CDYL2: variants seen among roughly 807,000 people sequenced by gnomAD.
CDYL2 encodes chromodomain Y like 2, also known as chromodomain Y-like protein 2.
In CDYL2, 23 loss-of-function variants were observed where a neutral mutation model predicts 49.4. That is an observed-to-expected ratio of 0.47 (90% CI 0.34 to 0.66). CDYL2 has a LOEUF of 0.66. Among genes scored for constraint, CDYL2 ranks in the 30% least tolerant of loss-of-function variants. The pLI is 0.01. For missense variants in CDYL2, 678 were observed against 656.4 expected, an observed-to-expected ratio of 1.03 and a Z score of -0.36; for synonymous variants, 360 against 268.8, an observed-to-expected ratio of 1.34 and a Z score of -3.32.
chr16:80,679,065 G>C (rs1158363122), intron 2 of CDYL2, among the ~76,000 whole-genome samples: 2 of 135,974 alleles, frequency 1.5e-5, no homozygotes, highest in Non-Finnish European at 3.0e-5. Context: ...TGAACAATGA[G>C]AACACATGGA....
Position 80,637,016 on chromosome 16 carries a change from AT to A in CDYL2, c.617-3781del, listed in dbSNP as rs1322222901. ...AGAGTTGAACAATGAGAACACATGG[AT>A]ACAGGGAGAGGAACATCACACACCG... On this transcript the variant is annotated intron_variant, in intron 2 of 6. Transcript: ENST00000570137. Among the ~76,000 whole-genome samples the A allele has an allele frequency of 3.4e-4, 52 of 152,260 alleles. No individual in the cohort carries two copies. The South Asian group carries it at 6.0e-3, about 18-fold the overall frequency.
At chr16:80,762,690 T>C (rs955252738) in intron 1 of CDYL2, among the ~76,000 whole-genome samples, 2 of 152,198 alleles carry the variant, frequency 1.3e-5, no homozygotes, top group African/African-American at 2.4e-5. Flanking sequence ...GTCCAGTCTT[T>C]TGGGCACAAG....
chr16:80,605,659 CAAT>C (rs1311555772), intron 6 of CDYL2, among the ~76,000 whole-genome samples: 11 of 151,360 alleles, frequency 7.3e-5, no homozygotes, highest in Non-Finnish European at 1.6e-4. Flanking sequence ...ATCACAGTAA[CAAT>C]AGTAATAATC....
intron 1 of CDYL2, among the ~76,000 whole-genome samples, chr16:80,751,228 T>C (rs1273292573): frequency 1.3e-5 from 2 of 152,126 alleles, no homozygotes; most frequent in Non-Finnish European, 2.9e-5. Context: ...AGGAAACCAA[T>C]GTCCCTGCCA....
At chr16:80,742,166 T>C (rs1235469368) in intron 1 of CDYL2, 1 of 152,222 alleles carries the variant, frequency 6.6e-6, no homozygotes, top group East Asian at 1.9e-4. Context: ...GGGGTCAGAA[T>C]GCAAACCCAG....
chr16:80,638,762 G>T (rs1337028992), intron 2 of CDYL2, among the ~76,000 whole-genome samples: 1 of 151,908 alleles, frequency 6.6e-6, no homozygotes, highest in African/African-American at 2.4e-5. Context: ...GGAACAAATG[G>T]ATATCCATTT....
At chr16:80,738,044 T>G (rs1213602047) in intron 1 of CDYL2, among the ~76,000 whole-genome samples, 1 of 135,008 alleles carries the variant, frequency 7.4e-6, no homozygotes, top group African/African-American at 2.8e-5. Flanking sequence ...ACAGGCCCCA[T>G]GTGTGATGTT....
At chr16:80,778,927 A>T (rs1361771699) in intron 1 of CDYL2, among the ~76,000 whole-genome samples, 1 of 152,122 alleles carries the variant, frequency 6.6e-6, no homozygotes, top group Non-Finnish European at 1.5e-5. Context: ...AAAGATCAAC[A>T]ATCACAGAGA....
intron 1 of CDYL2, among the ~76,000 whole-genome samples, chr16:80,687,854 A>G (rs1408176338): frequency 6.6e-6 from 1 of 152,188 alleles, no homozygotes; most frequent in East Asian, 1.9e-4. Flanking sequence ...ATACACAACT[A>G]TGTACGTTTG....
intron 4 of CDYL2, among the ~76,000 whole-genome samples, chr16:80,616,815 C>T (rs58949721): frequency 0.078 from 11,859 of 152,282 alleles, 1,547 homozygotes; most frequent in African/African-American, 0.27. Flanking sequence ...GTGTTTCACA[C>T]AGAGTATCTT....
At position 80,745,440 on chromosome 16, in the gene CDYL2, C is replaced by T. The variant is rs552507781; in HGVS notation, c.24+58710G>A. Among the ~76,000 whole-genome samples, 4 of 152,272 alleles carry T rather than the reference C, an allele frequency of 2.6e-5. No individual in the cohort carries two copies. In the South Asian group the frequency reaches 8.3e-4, roughly 32 times the overall value. On this transcript the variant is annotated intron_variant, in intron 1 of 6. Transcript: ENST00000570137. ...TCAAGAGTGCCCGCAGTACATAATC[C>T]CAGCCTGACACTTACTAGCTGTGTG...
At chr16:80,693,213 T>C (rs1470447537) in intron 1 of CDYL2, among the ~76,000 whole-genome samples, 2 of 152,172 alleles carry the variant, frequency 1.3e-5, no homozygotes, top group African/African-American at 2.4e-5. Flanking sequence ...TAATTGGATT[T>C]GCGTGGTGAG....
intron 1 of CDYL2, among the ~76,000 whole-genome samples, chr16:80,712,064 T>C (rs181064836): frequency 3.3e-5 from 5 of 150,468 alleles, no homozygotes; most frequent in East Asian, 3.9e-4. Context: ...TGTGTGTGTA[T>C]AGATGTGTGT....
intron 1 of CDYL2, among the ~76,000 whole-genome samples, chr16:80,737,757 C>T (rs994242911): frequency 1.3e-5 from 2 of 152,208 alleles, no homozygotes; most frequent in African/African-American, 4.8e-5. Flanking sequence ...TGAGAATCTG[C>T]ATTTCCAAGT....
At chr16:80,675,500 CA>C (rs1445867221) in intron 2 of CDYL2, among the ~76,000 whole-genome samples, 1 of 152,162 alleles carries the variant, frequency 6.6e-6, no homozygotes, top group African/African-American at 2.4e-5. Flanking sequence ...TCACCACCAC[CA>C]CCACCGCTGC....
At position 80,601,161 on chromosome 16, in the gene CDYL2, A is replaced by C. The variant is rs1823726072; in HGVS notation, c.*3227T>G. 2 of 152,210 alleles carry C rather than the reference A, an allele frequency of 1.3e-5. No individual in the cohort carries two copies. The highest frequency in any genetic ancestry group is 2.9e-5 in the Non-Finnish European group (2 of 68,038). 9.4% of individuals were successfully genotyped at this position (152,210 alleles called of 1,614,324 possible). ...CTGTGTCTTCCAAATGGTGGTGAGA[A>C]GGTATGACCACCCTAACAAAAGTTC... On this transcript the variant is annotated 3_prime_UTR_variant, in exon 7 of 7. Transcript: ENST00000570137.
intron 1 of CDYL2, among the ~76,000 whole-genome samples, chr16:80,749,804 C>T (rs1303125352): frequency 6.6e-6 from 1 of 152,124 alleles, no homozygotes; most frequent in Non-Finnish European, 1.5e-5. Flanking sequence ...TATTGTGGCA[C>T]TATTCACAAT....
In CDYL2 at chr16:80,684,600, A is replaced by G. The variant is rs747417366; in HGVS notation, c.554T>C (p.Val185Ala). Residue 185 changes from valine to alanine, a missense_variant, in exon 2 of 7, where the codon GTT (valine) becomes GCT (alanine). Physicochemically the swap from Val to Ala is moderately conservative, Grantham distance 64. This residue lies in a region of CDYL2 where 478 missense variants were observed against 427.0 expected (regional missense o/e 1.12). Coordinates refer to ENST00000570137, the MANE Select transcript of CDYL2 (RefSeq NM_152342.4). ...HQPGLDLNDHVGEQDMGECDV... is the reference protein window; with the variant it reads ...HQPGLDLNDHAGEQDMGECDV... ...ACATTCACCCATATCTTGCTCTCCAACATGATCATTCAAATCCAAGCCAGG... is the reference window on the plus strand; with the variant it reads ...ACATTCACCCATATCTTGCTCTCCAGCATGATCATTCAAATCCAAGCCAGG... 25 of 1,614,090 alleles carry G rather than the reference A, an allele frequency of 1.5e-5. No homozygotes were observed. The African/African-American group carries it at 2.5e-4, about 16-fold the overall frequency.
intron 5 of CDYL2, 80 bp from the exon 6 acceptor site, chr16:80,608,315 G>C: frequency 7.1e-7 from 1 of 1,409,668 alleles, no homozygotes; most frequent in South Asian, 1.5e-5. Flanking sequence ...CTTGCCACCT[G>C]CAACCATCCC....
Sources: gnomAD v4.1 joint callset for allele counts (sites outside exome capture counted in the v4.1 genomes callset) on GRCh38, gnomAD v4.1.1 for gene constraint, gnomAD v4.1.1 regional missense constraint, MANE v1.5 for transcripts, NCBI Gene and HGNC (gene_info 2026-07-23, HGNC 2026-07-21) for gene names.